DRC11: variants seen among roughly 807,000 people sequenced by gnomAD.
The protein encoded by DRC11 is IQ and AAA domain-containing protein 1.
At chr2:236,322,412 C>CT in the DRC11 span, among the ~76,000 whole-genome samples, 2 of 151,316 alleles carry the variant, frequency 1.3e-5, no homozygotes, top group African/African-American at 4.9e-5. Flanking sequence ...TTCTTTTTTT[C>CT]TTTTTTTGTA....
chr2:236,507,432 C>A, the DRC11 span: 1 of 699,696 alleles, frequency 1.4e-6, no homozygotes. Flanking sequence ...CTGCTTCGGG[C>A]AGGAAAAGGT....
chr2:236,332,093 A>G, the DRC11 span: 1 of 163,210 alleles, frequency 6.1e-6, no homozygotes, highest in Non-Finnish European at 1.4e-5. The surrounding 1 kb of genome is among the most constrained non-coding windows in gnomAD (Gnocchi z 5.1). Context: ...TGCCAGGGTC[A>G]GTTCCCTTTC....
At chr2:236,396,286 G>C in the DRC11 span, among the ~76,000 whole-genome samples, 2 of 101,268 alleles carry the variant, frequency 2.0e-5, no homozygotes, top group African/African-American at 7.9e-5. Flanking sequence ...CACGTGGGGG[G>C]GCAATGAAAG....
chr2:236,437,059 T>G, the DRC11 span, among the ~76,000 whole-genome samples: 1 of 149,592 alleles, frequency 6.7e-6, no homozygotes, highest in African/African-American at 2.5e-5. Context: ...TCATCTAGCA[T>G]TAGGTATATC....
At chr2:236,358,840 A>G in the DRC11 span, among the ~76,000 whole-genome samples, 44,239 of 134,186 alleles carry the variant, frequency 0.33, 9,432 homozygotes, top group African/African-American at 0.6. Context: ...CAAGACCGTC[A>G]CGTGGCCCCC....
At chr2:236,374,257 G>A in the DRC11 span, among the ~76,000 whole-genome samples, 6 of 152,116 alleles carry the variant, frequency 3.9e-5, no homozygotes, top group African/African-American at 1.4e-4. Flanking sequence ...ATTTTACTAT[G>A]TGGGGATTTG....
chr2:236,312,554 G>A, the DRC11 span, among the ~76,000 whole-genome samples: 1 of 152,052 alleles, frequency 6.6e-6, no homozygotes, highest in East Asian at 1.9e-4. Flanking sequence ...CCCAACAGGA[G>A]ATAGATTTTC....
chr2:236,451,424 C>T, the DRC11 span, among the ~76,000 whole-genome samples: 2 of 151,870 alleles, frequency 1.3e-5, no homozygotes, highest in East Asian at 3.9e-4. Context: ...CTTGGTTTTT[C>T]ATTCATTCCT....
At chr2:236,359,662 C>T in the DRC11 span, among the ~76,000 whole-genome samples, 1 of 152,190 alleles carries the variant, frequency 6.6e-6, no homozygotes, top group Non-Finnish European at 1.5e-5. The surrounding 1 kb of genome is among the most constrained non-coding windows in gnomAD (Gnocchi z 4.3). Flanking sequence ...CAGTCAGGCC[C>T]TCCAGCTTCC....
At chr2:236,495,639 T>C in the DRC11 span, among the ~76,000 whole-genome samples, 3 of 152,088 alleles carry the variant, frequency 2.0e-5, no homozygotes, top group Non-Finnish European at 4.4e-5. The surrounding 1 kb of genome is among the most constrained non-coding windows in gnomAD (Gnocchi z 5.6). Flanking sequence ...AAGGAAGGAT[T>C]TGGGGAACTC....
the DRC11 span, among the ~76,000 whole-genome samples, chr2:236,357,507 A>G: frequency 7.9e-6 from 1 of 127,320 alleles, no homozygotes; most frequent in African/African-American, 3.1e-5. Context: ...ATATTTACAT[A>G]TTATAAATAT....
chr2:236,340,054 G>C, the DRC11 span, among the ~76,000 whole-genome samples: 1 of 152,176 alleles, frequency 6.6e-6, no homozygotes, highest in Non-Finnish European at 1.5e-5. Flanking sequence ...ATTTATTTAG[G>C]CTTCCTTTAA....
At chr2:236,358,272 TATAG>T in the DRC11 span, among the ~76,000 whole-genome samples, 22 of 132,780 alleles carry the variant, frequency 1.7e-4, no homozygotes, top group Non-Finnish European at 2.3e-4. Flanking sequence ...ATATATAATA[TATAG>T]ATATATATAC....
the DRC11 span, among the ~76,000 whole-genome samples, chr2:236,341,741 C>T: frequency 6.6e-6 from 1 of 152,212 alleles, no homozygotes; most frequent in Non-Finnish European, 1.5e-5. Flanking sequence ...GTCTTCCAGC[C>T]TGTGCTGTGT....
the DRC11 span, among the ~76,000 whole-genome samples, chr2:236,379,225 A>G: frequency 2.0e-5 from 3 of 152,202 alleles, no homozygotes; most frequent in African/African-American, 7.2e-5. Context: ...ACCCCCAAAC[A>G]GGGTAGCGAC....
chr2:236,433,144 C>G, the DRC11 span, among the ~76,000 whole-genome samples: 1 of 152,020 alleles, frequency 6.6e-6, no homozygotes, highest in Admixed American at 6.6e-5. Context: ...TGCCAGTGGG[C>G]TCCTAAGAAT....
the DRC11 span, among the ~76,000 whole-genome samples, chr2:236,359,234 A>G: frequency 6.6e-6 from 1 of 151,992 alleles, no homozygotes; most frequent in Non-Finnish European, 1.5e-5. The surrounding 1 kb of genome is among the most constrained non-coding windows in gnomAD (Gnocchi z 4.3). Context: ...ATATATATAT[A>G]GTCTACAAGT....
At chr2:236,459,528 TGTATACGTATACGTATAC>T in the DRC11 span, among the ~76,000 whole-genome samples, 17 of 95,942 alleles carry the variant, frequency 1.8e-4, no homozygotes, top group African/African-American at 6.1e-4. Context: ...CATGTATACA[TGTATACGTATACGTATAC>T]GTATACATGT....
At chr2:236,440,988 A>G in the DRC11 span, 1 of 1,135,374 alleles carries the variant, frequency 8.8e-7, no homozygotes, top group Non-Finnish European at 1.3e-6. Context: ...TTTAAAGTTT[A>G]AAGAAATGTC....
Sources: gnomAD v4.1 joint callset for allele counts (sites outside exome capture counted in the v4.1 genomes callset) on GRCh38, gnomAD v4.1.1 for gene constraint, Gnocchi (gnomAD v3.1) non-coding constraint, MANE v1.5 for transcripts, NCBI Gene and HGNC (gene_info 2026-07-23, HGNC 2026-07-21) for gene names.